The following SEPTIN9 variants were observed in gnomAD, a reference collection of about 807,000 sequenced individuals.
SEPTIN9 encodes the protein septin-9.
Under a neutral mutation model 56.6 loss-of-function variants are expected in SEPTIN9, and 13 were observed. The observed-to-expected ratio is 0.23, with a 90% CI of 0.15 to 0.37. The LOEUF is 0.37. Among genes scored for constraint, SEPTIN9 ranks in the 10% least tolerant of loss-of-function variants. The pLI is 1.00. For synonymous variants in SEPTIN9, 332 were observed against 334.1 expected, an observed-to-expected ratio of 0.99 and a Z score of 0.07; for missense variants, 650 against 823.1, an observed-to-expected ratio of 0.79 and a Z score of 2.57.
intron 1 of SEPTIN9, among the ~76,000 whole-genome samples, chr17:77,290,599 G>A (rs1037188056): frequency 2.6e-5 from 4 of 151,658 alleles, no homozygotes; most frequent in Admixed American, 6.6e-5. Flanking sequence ...AGGCCGAGGC[G>A]GGCAGATCAC....
intron 1 of SEPTIN9, among the ~76,000 whole-genome samples, chr17:77,304,463 C>T (rs1005517382): frequency 4.6e-5 from 7 of 152,204 alleles, no homozygotes; most frequent in African/African-American, 1.4e-4. Context: ...ATGTTTCCTA[C>T]GGATAAGAGG....
At chr17:77,467,378 C>G (rs555783539) in intron 3 of SEPTIN9, among the ~76,000 whole-genome samples, 216 of 152,320 alleles carry the variant, frequency 1.4e-3, no homozygotes, top group Middle Eastern at 0.014. Context: ...TCCTGTGTCC[C>G]TGGTCCTTAC....
intron 2 of SEPTIN9, among the ~76,000 whole-genome samples, chr17:77,337,551 C>T (rs898215962): frequency 2.6e-5 from 4 of 151,854 alleles, no homozygotes; most frequent in African/African-American, 9.7e-5. Context: ...TCTTTGTTTT[C>T]TGTGTTTTCA....
chr17:77,356,461 T>A (rs553271282), intron 2 of SEPTIN9, among the ~76,000 whole-genome samples: 1 of 151,570 alleles, frequency 6.6e-6, no homozygotes, highest in Admixed American at 6.6e-5. Flanking sequence ...TCTTTCTCAC[T>A]CTGTGCCTCC....
intron 2 of SEPTIN9, among the ~76,000 whole-genome samples, chr17:77,390,435 A>AAG (rs2035497009): frequency 6.8e-6 from 1 of 148,060 alleles, no homozygotes; most frequent in Non-Finnish European, 1.5e-5. Context: ...TAAAAAAAAA[A>AAG]AAAACTGCAC....
chr17:77,347,975 T>C (rs1291239052), intron 2 of SEPTIN9, among the ~76,000 whole-genome samples: 1 of 152,200 alleles, frequency 6.6e-6, no homozygotes. Flanking sequence ...TTTCCACTTA[T>C]GATGGGTTTG....
chr17:77,488,694 G>A (rs370587322), intron 6 of SEPTIN9, 33 bp from the exon 7 acceptor site: 42 of 1,612,938 alleles, frequency 2.6e-5, no homozygotes, highest in Non-Finnish European at 3.0e-5. Flanking sequence ...GGCATCTCAT[G>A]TGCCTGCTGA....
Position 77,500,400 on chromosome 17 carries a change from G to GGGGGC in SEPTIN9, c.*1742_*1743insGGGGC. The GGGGGC allele has an allele frequency of 4.6e-6, 1 of 216,794 alleles. No individual in the cohort carries two copies. 13.4% of individuals were successfully genotyped at this position (216,794 alleles called of 1,614,324 possible). On this transcript the variant is annotated 3_prime_UTR_variant, in exon 12 of 12. Transcript: ENST00000427177. Reference sequence around the variant, plus strand: ...TGGTGGCGGGGTGGGGTGGGGGTGGGCAGCAGCATCCCAGCCTTGAGATGC... The same window carrying GGGGGC: ...TGGTGGCGGGGTGGGGTGGGGGTGGGGGGGCCAGCAGCATCCCAGCCTTGAGATGC...
At chr17:77,303,324 C>G (rs561554888) in intron 1 of SEPTIN9, among the ~76,000 whole-genome samples, 1 of 150,288 alleles carries the variant, frequency 6.7e-6, no homozygotes. Context: ...TGGTCTCGAA[C>G]TGACCTCGGG....
At chr17:77,351,928 G>T (rs1028157529) in intron 2 of SEPTIN9, among the ~76,000 whole-genome samples, 6 of 152,222 alleles carry the variant, frequency 3.9e-5, no homozygotes, top group Non-Finnish European at 8.8e-5. Context: ...GCTGGACGTG[G>T]GAAAATGCAC....
rs1028692591 is a variant in SEPTIN9, at chr17:77,425,882, A to C, written c.721+23179A>C. ...TCTTGGACAGTCCCAGCCCTCCTGG[A>C]GCTGAGCATCCTGATCTGTAGAGGA... is the stretch of plus-strand genomic sequence containing the variant. On this transcript the variant is annotated intron_variant, in intron 3 of 11. Transcript: ENST00000427177. This position sits in a 1 kb window ranked among gnomAD's most constrained non-coding sequence, Gnocchi z 4.2. 6.6e-6 allele frequency among the ~76,000 whole-genome samples: 1 copy of C among 152,190 alleles called. No individual in the cohort carries two copies. Among genetic ancestry groups the C allele is most frequent in the Non-Finnish European group, 1.5e-5 (1 of 68,030 alleles).
rs2035460033 is a variant in SEPTIN9 at position 77,389,601 on chromosome 17, G to A, written c.77-12458G>A. Among the ~76,000 whole-genome samples the A allele has an allele frequency of 6.6e-6, 1 of 152,120 alleles. No individual in the cohort carries two copies. The highest frequency in any genetic ancestry group is 1.5e-5 in the Non-Finnish European group (1 of 68,004). ...GTCTTTGACCCAAGGAGACCTGAAAGGTCATCTGGTCCCTCTCCTACCCCC... is the reference window on the plus strand; with the variant it reads ...GTCTTTGACCCAAGGAGACCTGAAAAGTCATCTGGTCCCTCTCCTACCCCC... On this transcript the variant is annotated intron_variant, in intron 2 of 11. Coordinates refer to ENST00000427177, the MANE Select transcript of SEPTIN9 (RefSeq NM_001113491.2). This position sits in a 1 kb window ranked among gnomAD's most constrained non-coding sequence, Gnocchi z 4.3.
rs202244537 is a variant in SEPTIN9, at chr17:77,406,664, G to T, written c.721+3961G>T. Among the ~76,000 whole-genome samples the T allele has an allele frequency of 1.1e-4, 16 of 141,234 alleles. No individual in the cohort carries two copies. In the East Asian group the frequency reaches 1.7e-3, roughly 15 times the overall value. The allele number at this position is 141,234 out of a possible 152,430, so 92.7% of individuals were successfully genotyped here. ...GGCTGTTGTCTTTGTTTTTTTTTGT[G>T]TTTTTTTTTTGTTTTTTGTTTTTTG... On this transcript the variant is annotated intron_variant, in intron 3 of 11. Transcript: ENST00000427177.
At chr17:77,442,915 CA>C (rs1224219568) in intron 3 of SEPTIN9, among the ~76,000 whole-genome samples, 1 of 149,986 alleles carries the variant, frequency 6.7e-6, no homozygotes, top group Non-Finnish European at 1.5e-5. Context: ...TATGGCAAAA[CA>C]AATGAGTTTT....
chr17:77,360,631 C>G (rs1412658571), intron 2 of SEPTIN9, among the ~76,000 whole-genome samples: 1 of 151,234 alleles, frequency 6.6e-6, no homozygotes, highest in African/African-American at 2.4e-5. Flanking sequence ...GTGATGCGAT[C>G]TCCGCTCACT....
At chr17:77,301,374 GAAA>G (rs571319482) in intron 1 of SEPTIN9, among the ~76,000 whole-genome samples, 1 of 147,704 alleles carries the variant, frequency 6.8e-6, no homozygotes, top group Non-Finnish European at 1.5e-5. Flanking sequence ...GGAGTTTCAA[GAAA>G]AAAAATGGGA....
intron 3 of SEPTIN9, among the ~76,000 whole-genome samples, chr17:77,465,509 C>A (rs149714480): frequency 9.0e-4 from 137 of 152,128 alleles, no homozygotes; most frequent in African/African-American, 2.9e-3. Context: ...GTTGTCTCGC[C>A]GGCACCGGGC....
rs562337117 is a variant in SEPTIN9, at chr17:77,445,921, G to A, written c.722-36223G>A. The A allele has an allele frequency of 5.8e-5, 10 of 173,736 alleles. No homozygotes were observed. The highest frequency in any genetic ancestry group is 5.0e-4 in the South Asian group (3 of 6,050). 10.8% of individuals were successfully genotyped at this position (173,736 alleles called of 1,614,324 possible). A position where few individuals can be genotyped will look rare whatever the true frequency, so the allele number is the denominator to read the frequency against. ...GGGCACTTTCTCAGCTTTGAGATGA[G>A]TCTCTGTGGATGTGGGAAGTTCACT... is the stretch of plus-strand genomic sequence containing the variant. On this transcript the variant is annotated intron_variant, in intron 3 of 11. Coordinates refer to ENST00000427177, the MANE Select transcript of SEPTIN9 (RefSeq NM_001113491.2). The surrounding 1 kb of genome is among the most constrained non-coding windows in gnomAD (Gnocchi z 4.7).
chr17:77,428,684 A>C (rs1376637951), intron 3 of SEPTIN9, among the ~76,000 whole-genome samples: 1 of 152,150 alleles, frequency 6.6e-6, no homozygotes, highest in Non-Finnish European at 1.5e-5. Flanking sequence ...GGCTACAGAG[A>C]GCAGTGCTGG....
Sources: allele counts gnomAD v4.1 joint callset (sites outside exome capture counted in the v4.1 genomes callset), GRCh38; gene constraint gnomAD v4.1.1; non-coding constraint Gnocchi (gnomAD v3.1); transcripts MANE v1.5; gene names NCBI Gene and HGNC (gene_info 2026-07-23, HGNC 2026-07-21).